The following NTM variants were observed in gnomAD, a reference collection of about 807,000 sequenced individuals.
NTM encodes IgLON family member 2.
NTM carries 13 observed loss-of-function variants against 42.1 expected under a neutral mutation model. That is an observed-to-expected ratio of 0.31 (90% CI 0.20 to 0.49). The LOEUF (loss-of-function observed/expected upper bound fraction) is 0.49. Ranked by LOEUF, NTM falls within the 20% of genes least tolerant of loss-of-function variation. NTM has a pLI of 0.99. For missense variants in NTM, 373 were observed against 452.8 expected (o/e 0.82, Z 1.60); for synonymous variants, 187 against 179.2 (o/e 1.04, Z -0.35).
intron 1 of NTM, among the ~76,000 whole-genome samples, chr11:131,441,144 T>C (rs773743713): frequency 6.6e-6 from 1 of 152,218 alleles, no homozygotes; most frequent in Non-Finnish European, 1.5e-5. Flanking sequence ...GGAATTATTT[T>C]GATTGCAAGC....
intron 1 of NTM, among the ~76,000 whole-genome samples, chr11:131,837,092 G>A (rs2136623568): frequency 6.6e-6 from 1 of 152,278 alleles, no homozygotes; most frequent in South Asian, 2.1e-4. Context: ...AAGAGTCAAG[G>A]TACAGGAAAA....
At chr11:132,067,803 T>G (rs1213594652) in intron 2 of NTM, among the ~76,000 whole-genome samples, 1 of 152,232 alleles carries the variant, frequency 6.6e-6, no homozygotes, top group Non-Finnish European at 1.5e-5. Context: ...TTTCCTTTTT[T>G]CATGAAGGGT....
At chr11:131,725,430 T>C (rs546790251) in intron 1 of NTM, among the ~76,000 whole-genome samples, 1 of 152,206 alleles carries the variant, frequency 6.6e-6, no homozygotes, top group South Asian at 2.1e-4. Flanking sequence ...TTGGTGAGGG[T>C]GAGCCTGATT....
At chr11:131,681,894 C>T (rs60057723) in intron 1 of NTM, among the ~76,000 whole-genome samples, 15 of 148,570 alleles carry the variant, frequency 1.0e-4, no homozygotes, top group African/African-American at 3.8e-4. Context: ...TGTCTCCTTG[C>T]GTGTGTCTGT....
chr11:131,524,128 G>A (rs1356146604), intron 1 of NTM, among the ~76,000 whole-genome samples: 1 of 152,240 alleles, frequency 6.6e-6, no homozygotes, highest in Non-Finnish European at 1.5e-5. Context: ...TGTGGTCTCA[G>A]TTAGGCCTAG....
At chr11:132,136,768 T>C (rs957659423) in intron 2 of NTM, among the ~76,000 whole-genome samples, 1 of 152,104 alleles carries the variant, frequency 6.6e-6, no homozygotes, top group Non-Finnish European at 1.5e-5. Context: ...GTATGGATGG[T>C]GCTTTAGGGT....
chr11:131,899,779 T>C (rs1213240804), intron 1 of NTM, among the ~76,000 whole-genome samples: 1 of 126,054 alleles, frequency 7.9e-6, no homozygotes, highest in African/African-American at 3.0e-5. Flanking sequence ...TTCTTAAGAG[T>C]TTTTTTATTT....
chr11:131,644,880 T>C (rs2065584914), intron 1 of NTM, among the ~76,000 whole-genome samples: 1 of 152,208 alleles, frequency 6.6e-6, no homozygotes, highest in East Asian at 1.9e-4. Flanking sequence ...TCAGGTGTTT[T>C]ATAATGGGAA....
At chr11:132,185,946 T>A (rs192959045) in intron 3 of NTM, among the ~76,000 whole-genome samples, 1 of 152,336 alleles carries the variant, frequency 6.6e-6, no homozygotes, top group East Asian at 1.9e-4. Context: ...ACTTGATTCA[T>A]CCTAATCAGA....
intron 1 of NTM, among the ~76,000 whole-genome samples, chr11:131,471,426 CAGAT>C (rs1952431085): frequency 6.6e-6 from 1 of 152,150 alleles, no homozygotes; most frequent in African/African-American, 2.4e-5. Flanking sequence ...GGGGAAAAGA[CAGAT>C]AGGACACCAT....
intron 2 of NTM, among the ~76,000 whole-genome samples, chr11:132,109,343 C>T (rs2062850408): frequency 6.6e-6 from 1 of 152,152 alleles, no homozygotes; most frequent in African/African-American, 2.4e-5. Flanking sequence ...TCCCATTTCT[C>T]TACATCCTCT....
chr11:131,919,790 C>T (rs545940787), intron 2 of NTM, among the ~76,000 whole-genome samples: 1 of 152,076 alleles, frequency 6.6e-6, no homozygotes, highest in East Asian at 1.9e-4. Flanking sequence ...ATAATATACA[C>T]ACATATACCA....
At chr11:131,548,351 C>T (rs942824103) in intron 1 of NTM, among the ~76,000 whole-genome samples, 1 of 152,004 alleles carries the variant, frequency 6.6e-6, no homozygotes, top group African/African-American at 2.4e-5. Flanking sequence ...CAGGTGATGC[C>T]TCAAGGAATG....
chr11:132,326,403 T>A (rs1460409914), intron 7 of NTM, among the ~76,000 whole-genome samples: 2 of 152,116 alleles, frequency 1.3e-5, no homozygotes, highest in Non-Finnish European at 2.9e-5. Context: ...CACCATCCCA[T>A]AGCAAAGTCA....
chr11:131,793,416 G>A (rs574480669), intron 1 of NTM, among the ~76,000 whole-genome samples: 118 of 152,174 alleles, frequency 7.8e-4, no homozygotes, highest in Middle Eastern at 3.2e-3. Flanking sequence ...ATAAATGAGA[G>A]ACAGATACAC....
At chr11:132,294,742 T>G (rs981171257) in intron 4 of NTM, among the ~76,000 whole-genome samples, 3 of 152,178 alleles carry the variant, frequency 2.0e-5, no homozygotes, top group Non-Finnish European at 4.4e-5. Context: ...AGCAGTTTTT[T>G]CCTTGCCTGT....
chr11:131,844,636 T>G (rs2044693672), intron 1 of NTM, among the ~76,000 whole-genome samples: 1 of 152,160 alleles, frequency 6.6e-6, no homozygotes, highest in Non-Finnish European at 1.5e-5. Flanking sequence ...GGTTTCACTT[T>G]TTTTGGTTTT....
chr11:131,532,931 T>C (rs1212499962), intron 1 of NTM, among the ~76,000 whole-genome samples: 2 of 152,170 alleles, frequency 1.3e-5, no homozygotes, highest in East Asian at 3.9e-4. Context: ...TCATTGTTGT[T>C]TTGTTGTTGA....
At chr11:131,710,902 G>A (rs7939414) in intron 1 of NTM, among the ~76,000 whole-genome samples, 2,916 of 152,186 alleles carry the variant, frequency 0.019, 85 homozygotes, top group African/African-American at 0.065. Context: ...ATTCCTCCTT[G>A]TAGAAATGCC....
Sources: allele counts gnomAD v4.1 joint callset (sites outside exome capture counted in the v4.1 genomes callset), GRCh38; gene constraint gnomAD v4.1.1; transcripts MANE v1.5; gene names NCBI Gene and HGNC (gene_info 2026-07-23, HGNC 2026-07-21).